Variants in TRPC4 observed in about 807,000 individuals in gnomAD.
TRPC4 encodes the protein short transient receptor potential channel 4.
In TRPC4, 49 loss-of-function variants were observed where a neutral mutation model predicts 99.4. That is an observed-to-expected ratio of 0.49 (90% CI 0.39 to 0.63). The LOEUF (loss-of-function observed/expected upper bound fraction) is 0.63, where lower values mean the gene tolerates loss of function less well. Ranked by LOEUF, TRPC4 falls within the 20% of genes least tolerant of loss-of-function variation. The pLI, the probability that TRPC4 is intolerant of heterozygous loss-of-function variation, is 0.00. For synonymous variants in TRPC4, 454 were observed against 425.9 expected (o/e 1.07, Z -0.81); for missense variants, 898 against 1,152.9 (o/e 0.78, Z 3.20).
intron 1 of TRPC4, among the ~76,000 whole-genome samples, chr13:37,807,347 G>A (rs1489457158): frequency 6.6e-6 from 1 of 151,932 alleles, no homozygotes; most frequent in East Asian, 1.9e-4. Flanking sequence ...TAATTAAACA[G>A]TATCCTAAAA....
chr13:37,724,690 G>T (rs1954984209), intron 3 of TRPC4, among the ~76,000 whole-genome samples: 1 of 152,132 alleles, frequency 6.6e-6, no homozygotes, highest in African/African-American at 2.4e-5. Flanking sequence ...TGAGTAAAAA[G>T]TGTTGGTCTA....
Position 37,636,907 on chromosome 13 carries a change from A to G in TRPC4, c.2930T>C (p.Leu977Ser), listed in dbSNP as rs1478349161. 3.1e-6 allele frequency: 5 copies of G among 1,607,950 alleles called. No individual in the cohort carries two copies. The African/African-American group carries it at 4.0e-5, about 13-fold the overall frequency. ...AAACGCTTCCTCCTTCAAGTATCAC[A>G]ATCTTGTGGTCACGTAATCTTCGTG... The part of the protein sequence containing the change: ...VTHEDYVTTR[L>S] Residue 977 changes from leucine (L) to serine (S), a missense_variant, in exon 11 of 11, where the codon TTG becomes TCG. Physicochemically the swap from Leu to Ser is moderately radical, Grantham distance 145. Around this residue, in one of 3 missense-constraint regions of TRPC4, gnomAD observed 346 missense variants for 351.4 expected, o/e 0.98. Coordinates refer to ENST00000379705, the MANE Select transcript of TRPC4 (RefSeq NM_016179.4).
chr13:37,775,521 C>T (rs1278202341), intron 2 of TRPC4, among the ~76,000 whole-genome samples: 1 of 150,864 alleles, frequency 6.6e-6, no homozygotes, highest in African/African-American at 2.4e-5. Context: ...TAGGTATTAG[C>T]CCAGCATCCA....
chr13:37,858,900 T>C (rs1959197134), intron 1 of TRPC4, among the ~76,000 whole-genome samples: 1 of 151,420 alleles, frequency 6.6e-6, no homozygotes, highest in Admixed American at 6.6e-5. Context: ...CAAACTCATT[T>C]AACTTTACAT....
intron 4 of TRPC4, 108 bp from the exon 5 acceptor site, chr13:37,674,475 T>G: frequency 6.8e-6 from 8 of 1,180,684 alleles, no homozygotes; most frequent in Non-Finnish European, 9.4e-6. Context: ...GACCACATTG[T>G]TACACTAAAT....
intron 3 of TRPC4, among the ~76,000 whole-genome samples, chr13:37,719,258 G>A (rs1204479834): frequency 1.3e-5 from 2 of 152,108 alleles, no homozygotes; most frequent in African/African-American, 4.8e-5. Context: ...TGAGGTGGGA[G>A]AATCACCTGA....
intron 1 of TRPC4, among the ~76,000 whole-genome samples, chr13:37,855,916 C>T (rs1353937183): frequency 6.6e-6 from 1 of 151,556 alleles, no homozygotes; most frequent in Non-Finnish European, 1.5e-5. Flanking sequence ...CTGTAAGTGC[C>T]TACATCAGAA....
At chr13:37,804,233 T>TC (rs1957475611) in intron 1 of TRPC4, among the ~76,000 whole-genome samples, 1 of 152,122 alleles carries the variant, frequency 6.6e-6, no homozygotes, top group Admixed American at 6.6e-5. Flanking sequence ...GCCATGTTCT[T>TC]CGTCTATGTT....
Position 37,783,280 on chromosome 13 carries a change from G to T in TRPC4, c.54C>A (p.Ile18=), listed in dbSNP as rs1593732573. Residue 18 remains isoleucine, a synonymous_variant, in exon 2 of 11, where the codon ATC becomes ATA. Coordinates refer to ENST00000379705, the MANE Select transcript of TRPC4 (RefSeq NM_016179.4). Reference sequence around the variant, plus strand: ...ATTCTGCTCTTACTATCCTTAGAGGGATGCGGTCTCTATAGGGAGCATTAA... The same window carrying T: ...ATTCTGCTCTTACTATCCTTAGAGGTATGCGGTCTCTATAGGGAGCATTAA... ...RNVNAPYRDR[I]PLRIVRAESE... is the part of the protein sequence containing the mutation. 5.0e-6 allele frequency: 8 copies of T among 1,612,312 alleles called. No homozygotes were observed. The highest frequency in any genetic ancestry group is 1.3e-5 in the African/African-American group (1 of 74,784).
At chr13:37,776,899 G>T (rs1813774861) in intron 2 of TRPC4, among the ~76,000 whole-genome samples, 1 of 151,830 alleles carries the variant, frequency 6.6e-6, no homozygotes, top group Admixed American at 6.6e-5. Flanking sequence ...ATATTTACTG[G>T]AATCCATATC....
At chr13:37,745,520 GTATATATGTATATATACGTA>G (rs771483382) in intron 3 of TRPC4, among the ~76,000 whole-genome samples, 2,769 of 94,544 alleles carry the variant, frequency 0.029, 37 homozygotes, top group South Asian at 0.1. Flanking sequence ...ATATATATAC[GTATATATGTATATATACGTA>G]TATATATATA....
At chr13:37,652,549 G>A (rs1236806400) in intron 7 of TRPC4, among the ~76,000 whole-genome samples, 1 of 152,124 alleles carries the variant, frequency 6.6e-6, no homozygotes, top group Non-Finnish European at 1.5e-5. Flanking sequence ...CACATAAATC[G>A]GAACACAGAA....
At chr13:37,725,472 A>G (rs1016481844) in intron 3 of TRPC4, among the ~76,000 whole-genome samples, 3 of 152,180 alleles carry the variant, frequency 2.0e-5, no homozygotes, top group African/African-American at 7.2e-5. Context: ...CAAAGAGAGA[A>G]TCTTGAAAGC....
At chr13:37,688,278 A>T (rs1953559654) in intron 4 of TRPC4, among the ~76,000 whole-genome samples, 1 of 152,236 alleles carries the variant, frequency 6.6e-6, no homozygotes, top group African/African-American at 2.4e-5. Context: ...GATGTAAAAC[A>T]CAATAGATTT....
At chr13:37,764,182 A>C (rs573716028) in intron 2 of TRPC4, among the ~76,000 whole-genome samples, 102 of 151,840 alleles carry the variant, frequency 6.7e-4, no homozygotes, top group Non-Finnish European at 1.3e-3. Context: ...GATTTCAGCT[A>C]GAAATGAAGG....
chr13:37,728,250 C>T (rs1435974722), intron 3 of TRPC4, among the ~76,000 whole-genome samples: 1 of 151,764 alleles, frequency 6.6e-6, no homozygotes, highest in Non-Finnish European at 1.5e-5. Context: ...GTAAAATTAT[C>T]TGTTTACATA....
At position 37,762,724 on chromosome 13, in the gene TRPC4, G is replaced by T. The variant is rs559177256; in HGVS notation, c.379-16269C>A. 1.9e-4 allele frequency among the ~76,000 whole-genome samples: 21 copies of T among 109,592 alleles called. 1 individual carries two copies. In the East Asian group the frequency reaches 6.7e-3, roughly 35 times the overall value. 71.9% of individuals were successfully genotyped at this position (109,592 alleles called of 152,430 possible). The stretch of plus-strand genomic sequence containing the variant: ...ACACTCTGGGGACTGTTGTGGGGTG[G>T]GGGGAGGGGGGAGGGATAGCATTAG... On this transcript the variant is annotated intron_variant, in intron 2 of 10. Coordinates refer to ENST00000379705, the MANE Select transcript of TRPC4 (RefSeq NM_016179.4).
At chr13:37,856,675 C>T (rs928253514) in intron 1 of TRPC4, among the ~76,000 whole-genome samples, 2 of 151,626 alleles carry the variant, frequency 1.3e-5, no homozygotes, top group Admixed American at 6.6e-5. Flanking sequence ...TTAGAAAGGT[C>T]ATTCATCATG....
At chr13:37,657,298 AC>A (rs1213043923) in intron 6 of TRPC4, among the ~76,000 whole-genome samples, 2 of 152,152 alleles carry the variant, frequency 1.3e-5, no homozygotes, top group Non-Finnish European at 2.9e-5. Flanking sequence ...TTAGAGGAAA[AC>A]CCAGGTGCCA....
Sources: gnomAD v4.1 joint callset for allele counts (sites outside exome capture counted in the v4.1 genomes callset) on GRCh38, gnomAD v4.1.1 for gene constraint, gnomAD v4.1.1 regional missense constraint, MANE v1.5 for transcripts, NCBI Gene and HGNC (gene_info 2026-07-23, HGNC 2026-07-21) for gene names.